CCDC54: variants seen among roughly 807,000 people sequenced by gnomAD.
CCDC54 encodes the protein coiled-coil domain-containing protein 54.
A neutral mutation model predicts 2.9 loss-of-function variants in CCDC54; 2 were observed. The observed-to-expected ratio is 0.69, with a 90% confidence interval of 0.28 to 2.16. The LOEUF is 2.16. CCDC54 is among the 30% of genes most tolerant of loss of function. The probability of loss-of-function intolerance (pLI) is 0.13; values close to 1 mark genes in which losing one functional copy is unlikely to be tolerated. For synonymous variants in CCDC54, 128 were observed against 129.6 expected, an observed-to-expected ratio of 0.99 and a Z score of 0.08; for missense variants, 368 against 378.1, an observed-to-expected ratio of 0.97 and a Z score of 0.22.
chr3:107,377,843 G>C lies in CCDC54; in HGVS notation c.256G>C (p.Asp86His). 1 of 1,614,126 alleles carries C rather than the reference G, an allele frequency of 6.2e-7. No homozygotes were observed. Among genetic ancestry groups the C allele is most frequent in the Non-Finnish European group, 8.5e-7 (1 of 1,180,022 alleles). ...AQVELFSQMT[D>H]IVHMIPKVQE... is the part of the protein sequence containing the mutation. ...AGTTGAACTTTTCAGCCAAATGACTGACATTGTCCATATGATACCAAAAGT... is the reference window on the plus strand; with the variant it reads ...AGTTGAACTTTTCAGCCAAATGACTCACATTGTCCATATGATACCAAAAGT... Residue 86 changes from aspartate to histidine, a missense_variant, in exon 1 of 1, where the codon GAC becomes CAC. Transcript: ENST00000261058.
rs765625954 is a variant in CCDC54, at chr3:107,377,778, T to C, written c.191T>C (p.Met64Thr). 3.1e-6 allele frequency: 5 copies of C among 1,614,094 alleles called. No individual in the cohort carries two copies. The South Asian group carries it at 3.3e-5, about 11-fold the overall frequency. Residue 64 changes from methionine (M) to threonine (T), a missense_variant, in exon 1 of 1, where the codon ATG (methionine) becomes ACG (threonine). By Grantham distance (81) the Met-to-Thr change is moderately conservative. Coordinates refer to ENST00000261058, the MANE Select transcript of CCDC54 (RefSeq NM_032600.3). ...NQDDDSYDGKMNLPVVLQDVK... is the reference protein window; with the variant it reads ...NQDDDSYDGKTNLPVVLQDVK... Reference sequence around the variant, plus strand: ...GATGATGATAGTTATGACGGAAAAATGAATCTTCCAGTAGTGCTCCAAGAT... The same window carrying C: ...GATGATGATAGTTATGACGGAAAAACGAATCTTCCAGTAGTGCTCCAAGAT...
At chr3:107,377,862 CA>C in the CCDC54 span, 1 of 1,614,082 alleles carries the variant, frequency 6.2e-7, no homozygotes, top group Non-Finnish European at 8.5e-7. Flanking sequence ...CATATGATAC[CA>C]AAAGTCCAGG....
At position 107,377,684 on chromosome 3, in the gene CCDC54, C is replaced by T; in HGVS notation, c.97C>T (p.His33Tyr). Residue 33 changes from histidine to tyrosine, a missense_variant, in exon 1 of 1, where the codon CAC becomes TAC. Physicochemically the swap from His to Tyr is moderately conservative, Grantham distance 83. Coordinates refer to ENST00000261058, the MANE Select transcript of CCDC54 (RefSeq NM_032600.3). ...CAGACAGTCTCTTAAAAATGTTTACCACAAATGTAAGATTCGGCACCAAGA... is the reference window on the plus strand; with the variant it reads ...CAGACAGTCTCTTAAAAATGTTTACTACAAATGTAAGATTCGGCACCAAGA... ...KVRQSLKNVY[H>Y]KCKIRHQDST... The T allele has an allele frequency of 6.2e-7, 1 of 1,614,078 alleles. No homozygotes were observed. Among genetic ancestry groups the T allele is most frequent in the South Asian group, 1.1e-5 (1 of 91,074 alleles).
At position 107,377,487 on chromosome 3, in the gene CCDC54, A is replaced by G. The variant is rs2046543806; in HGVS notation, c.-101A>G. 8.5e-7 allele frequency: 1 copy of G among 1,182,862 alleles called. No homozygotes were observed. The highest frequency in any genetic ancestry group is 2.3e-5 in the East Asian group (1 of 42,598). The allele number at this position is 1,182,862 out of a possible 1,614,324, so 73.3% of individuals were successfully genotyped here. On this transcript the variant is annotated 5_prime_UTR_variant, in exon 1 of 1. Coordinates refer to ENST00000261058, the MANE Select transcript of CCDC54 (RefSeq NM_032600.3). ...GAGTGTTCTAAGATGTTATCAGGAA[A>G]GGCATCCAACAAATAGTAAGAGAAG...
rs1214477651 is a variant in CCDC54, at chr3:107,378,126, A to C, written c.539A>C (p.Lys180Thr). Residue 180 changes from lysine to threonine, a missense_variant, in exon 1 of 1, where the codon AAG becomes ACG. Physicochemically the swap from Lys to Thr is moderately conservative, Grantham distance 78. Coordinates refer to ENST00000261058, the MANE Select transcript of CCDC54 (RefSeq NM_032600.3). Reference protein sequence around the residue: ...LYKLIQPATLKNTLASTDMEI... With the variant: ...LYKLIQPATLTNTLASTDMEI... ...AAACTCATACAACCAGCAACTCTGAAGAACACTTTGGCCTCTACAGACATG... is the reference window on the plus strand; with the variant it reads ...AAACTCATACAACCAGCAACTCTGACGAACACTTTGGCCTCTACAGACATG... 1.2e-6 allele frequency: 2 copies of C among 1,614,192 alleles called. No individual in the cohort carries two copies. The highest frequency in any genetic ancestry group is 1.7e-6 in the Non-Finnish European group (2 of 1,180,026).
At position 107,378,077 on chromosome 3, in the gene CCDC54, A is replaced by G; in HGVS notation, c.490A>G (p.Lys164Glu). The change falls in exon 1 of 1, where the codon AAA becomes GAA. Residue 164 changes from lysine to glutamate, a missense_variant. Coordinates refer to ENST00000261058, the MANE Select transcript of CCDC54 (RefSeq NM_032600.3). ...AGAGATTCTGGAGGGAGAAAGGGGT[A>G]AAGAAATCACAGAACTGCTTTACAA... ...CLEILEGERGKEITELLYKLI... is the reference protein window; with the variant it reads ...CLEILEGERGEEITELLYKLI... The G allele has an allele frequency of 6.2e-7, 1 of 1,614,210 alleles. No individual in the cohort carries two copies.
chr3:107,378,543 G>A lies in CCDC54; in HGVS notation c.956G>A (p.Cys319Tyr), dbSNP rs543104179. 2 of 1,613,490 alleles carry A rather than the reference G, an allele frequency of 1.2e-6. No homozygotes were observed. The highest frequency in any genetic ancestry group is 1.1e-5 in the South Asian group (1 of 90,886). Residue 319 changes from cysteine (C) to tyrosine (Y), a missense_variant, in exon 1 of 1, where the codon TGT becomes TAT. Coordinates refer to ENST00000261058, the MANE Select transcript of CCDC54 (RefSeq NM_032600.3). ...TTCAACAATATTTACGGCTTTATTTGTTCCTTAAAAGAAGAAGTAACTCGA... is the reference window on the plus strand; with the variant it reads ...TTCAACAATATTTACGGCTTTATTTATTCCTTAAAAGAAGAAGTAACTCGA... Reference protein sequence around the residue: ...SIFNNIYGFICSLKEEVTRL With the variant: ...SIFNNIYGFIYSLKEEVTRL
At position 107,378,444 on chromosome 3, in the gene CCDC54, C is replaced by G; in HGVS notation, c.857C>G (p.Pro286Arg). ...LSRPTILPEE[P>R]QVITQRYCPF... Reference sequence around the variant, plus strand: ...AGGCCAACCATTCTTCCTGAGGAACCCCAGGTCATAACCCAGAGATACTGT... The same window carrying G: ...AGGCCAACCATTCTTCCTGAGGAACGCCAGGTCATAACCCAGAGATACTGT... Residue 286 changes from proline to arginine, a missense_variant, in exon 1 of 1, where the codon CCC becomes CGC. Physicochemically the swap from Pro to Arg is moderately radical, Grantham distance 103. Transcript: ENST00000261058. 6.2e-7 allele frequency: 1 copy of G among 1,614,152 alleles called. No individual in the cohort carries two copies. The highest frequency in any genetic ancestry group is 8.5e-7 in the Non-Finnish European group (1 of 1,180,010).
chr3:107,377,941 A>T lies in CCDC54; in HGVS notation c.354A>T (p.Lys118Asn). The T allele has an allele frequency of 6.2e-7, 1 of 1,614,188 alleles. No individual in the cohort carries two copies. The highest frequency in any genetic ancestry group is 1.3e-5 in the African/African-American group (1 of 75,060). Reference sequence around the variant, plus strand: ...CCAGAATGAATGTTAATGAAGACAAACAATGCACAACGACTAAAGATATCC... The same window carrying T: ...CCAGAATGAATGTTAATGAAGACAATCAATGCACAACGACTAAAGATATCC... ...LETRMNVNED[K>N]QCTTTKDILS... The change falls in exon 1 of 1, where the codon AAA becomes AAT. Residue 118 changes from lysine to asparagine, a missense_variant. Physicochemically the swap from Lys to Asn is moderately conservative, Grantham distance 94 (BLOSUM62 0). Coordinates refer to ENST00000261058, the MANE Select transcript of CCDC54 (RefSeq NM_032600.3).
At position 107,378,416 on chromosome 3, in the gene CCDC54, T is replaced by C; in HGVS notation, c.829T>C (p.Ser277Pro). 2.5e-6 allele frequency: 4 copies of C among 1,614,230 alleles called. No individual in the cohort carries two copies. Among genetic ancestry groups the C allele is most frequent in the Non-Finnish European group, 3.4e-6 (4 of 1,180,032 alleles). Residue 277 changes from serine to proline, a missense_variant, in exon 1 of 1, where the codon TCT becomes CCT. Transcript: ENST00000261058. ...AGAAGAATTCATCCAGTGGCTTCTT[T>C]CTAGGCCAACCATTCTTCCTGAGGA... ...KLEEFIQWLLSRPTILPEEPQ... is the reference protein window; with the variant it reads ...KLEEFIQWLLPRPTILPEEPQ...
rs1405961769 is a variant in CCDC54, at chr3:107,378,263, C to A, written c.676C>A (p.Gln226Lys). ...QMKTLKKRNH[Q>K]NASRSFEKAK... is the part of the protein sequence containing the mutation. ...GAAAACTCTGAAGAAACGTAACCAT[C>A]AAAATGCATCAAGGAGCTTTGAAAA... The change falls in exon 1 of 1, where the codon CAA becomes AAA. Residue 226 changes from glutamine (Q) to lysine (K), a missense_variant. Gln to Lys is a moderately conservative substitution (Grantham distance 53). Transcript: ENST00000261058. 6.2e-7 allele frequency: 1 copy of A among 1,614,048 alleles called. No homozygotes were observed. The highest frequency in any genetic ancestry group is 8.5e-7 in the Non-Finnish European group (1 of 1,180,002).
chr3:107,378,498 C>T lies in CCDC54; in HGVS notation c.911C>T (p.Thr304Ile). 6.2e-7 allele frequency: 1 copy of T among 1,614,000 alleles called. No homozygotes were observed. Among genetic ancestry groups the T allele is most frequent in the Non-Finnish European group, 8.5e-7 (1 of 1,179,882 alleles). Residue 304 changes from threonine (T) to isoleucine (I), a missense_variant, in exon 1 of 1, where the codon ACC becomes ATC. Coordinates refer to ENST00000261058, the MANE Select transcript of CCDC54 (RefSeq NM_032600.3). ...CPFTGPILSL[T>I]TICLSIFNNI... ...TTCACTGGGCCCATTTTGAGCTTGACCACAATCTGTCTCTCCATCTTCAAC... is the reference window on the plus strand; with the variant it reads ...TTCACTGGGCCCATTTTGAGCTTGATCACAATCTGTCTCTCCATCTTCAAC...
Position 107,378,445 on chromosome 3 carries a change from C to T in CCDC54, c.858C>T (p.Pro286=), listed in dbSNP as rs746374757. The change falls in exon 1 of 1, where the codon CCC becomes CCT. Residue 286 remains proline (P), a synonymous_variant. Transcript: ENST00000261058. ...LSRPTILPEE[P]QVITQRYCPF... ...GGCCAACCATTCTTCCTGAGGAACC[C>T]CAGGTCATAACCCAGAGATACTGTC... 3 of 1,614,168 alleles carry T rather than the reference C, an allele frequency of 1.9e-6. No individual in the cohort carries two copies. The South Asian group carries it at 3.3e-5, about 18-fold the overall frequency.
chr3:107,378,420 G>A lies in CCDC54; in HGVS notation c.833G>A (p.Arg278Lys). The A allele has an allele frequency of 6.2e-7, 1 of 1,614,148 alleles. No individual in the cohort carries two copies. Among genetic ancestry groups the A allele is most frequent in the Non-Finnish European group, 8.5e-7 (1 of 1,180,004 alleles). Residue 278 changes from arginine (R) to lysine (K), a missense_variant, in exon 1 of 1, where the codon AGG becomes AAG. Transcript: ENST00000261058. The stretch of plus-strand genomic sequence containing the variant: ...GAATTCATCCAGTGGCTTCTTTCTA[G>A]GCCAACCATTCTTCCTGAGGAACCC... ...LEEFIQWLLS[R>K]PTILPEEPQV...
At position 107,378,534 on chromosome 3, in the gene CCDC54, G is replaced by A. The variant is rs751816868; in HGVS notation, c.947G>A (p.Gly316Asp). Residue 316 changes from glycine to aspartate, a missense_variant, in exon 1 of 1, where the codon GGC becomes GAC. Coordinates refer to ENST00000261058, the MANE Select transcript of CCDC54 (RefSeq NM_032600.3). ...CTCTCCATCTTCAACAATATTTACG[G>A]CTTTATTTGTTCCTTAAAAGAAGAA... ...ICLSIFNNIY[G>D]FICSLKEEVT... 6.2e-7 allele frequency: 1 copy of A among 1,613,726 alleles called. No individual in the cohort carries two copies. Among genetic ancestry groups the A allele is most frequent in the East Asian group, 2.2e-5 (1 of 44,874 alleles).
At position 107,378,182 on chromosome 3, in the gene CCDC54, C is replaced by T. The variant is rs764037102; in HGVS notation, c.595C>T (p.Pro199Ser). 1.2e-6 allele frequency: 2 copies of T among 1,614,122 alleles called. No individual in the cohort carries two copies. Among genetic ancestry groups the T allele is most frequent in the Admixed American group, 1.7e-5 (1 of 60,018 alleles). ...EISSAEPEKV[P>S]SYPKSTDHLE... ...CTCTTCAGCAGAACCAGAGAAAGTG[C>T]CCAGTTATCCAAAGTCCACTGACCA... is the stretch of plus-strand genomic sequence containing the variant. The change falls in exon 1 of 1, where the codon CCC (proline) becomes TCC (serine). Residue 199 changes from proline to serine, a missense_variant. Coordinates refer to ENST00000261058, the MANE Select transcript of CCDC54 (RefSeq NM_032600.3).
At position 107,377,880 on chromosome 3, in the gene CCDC54, C is replaced by T. The variant is rs2046547480; in HGVS notation, c.293C>T (p.Thr98Ile). The T allele has an allele frequency of 6.2e-7, 1 of 1,614,150 alleles. No homozygotes were observed. Among genetic ancestry groups the T allele is most frequent in the South Asian group, 1.1e-5 (1 of 91,086 alleles). Reference sequence around the variant, plus strand: ...ATGATACCAAAAGTCCAGGAAAAGACTGACTTGTATCAAAAACAGATGGAG... The same window carrying T: ...ATGATACCAAAAGTCCAGGAAAAGATTGACTTGTATCAAAAACAGATGGAG... Reference protein sequence around the residue: ...VHMIPKVQEKTDLYQKQMEVL... With the variant: ...VHMIPKVQEKIDLYQKQMEVL... The change falls in exon 1 of 1, where the codon ACT (threonine) becomes ATT (isoleucine). Residue 98 changes from threonine (T) to isoleucine (I), a missense_variant. By Grantham distance (89) the Thr-to-Ile change is moderately conservative (BLOSUM62 -1). Transcript: ENST00000261058.
Position 107,378,428 on chromosome 3 carries a change from A to G in CCDC54, c.841A>G (p.Ile281Val), listed in dbSNP as rs2046553628. The G allele has an allele frequency of 1.2e-6, 2 of 1,614,190 alleles. No homozygotes were observed. The highest frequency in any genetic ancestry group is 2.2e-5 in the South Asian group (2 of 91,086). Residue 281 changes from isoleucine (I) to valine (V), a missense_variant, in exon 1 of 1, where the codon ATT becomes GTT. Transcript: ENST00000261058. The part of the protein sequence containing the change: ...FIQWLLSRPT[I>V]LPEEPQVITQ... The stretch of plus-strand genomic sequence containing the variant: ...CCAGTGGCTTCTTTCTAGGCCAACC[A>G]TTCTTCCTGAGGAACCCCAGGTCAT...
In CCDC54 at chr3:107,378,626, A is replaced by C; in HGVS notation, c.*52A>C. 2 of 1,532,004 alleles carry C rather than the reference A, an allele frequency of 1.3e-6. No individual in the cohort carries two copies. Among genetic ancestry groups the C allele is most frequent in the Non-Finnish European group, 1.8e-6 (2 of 1,136,220 alleles). The allele number at this position is 1,532,004 out of a possible 1,614,324, so 94.9% of individuals were successfully genotyped here. Reference sequence around the variant, plus strand: ...AAATAAATGTAACCTGGAGGCTCCAAGTATTCACACATTGGTGTGGTGGCT... The same window carrying C: ...AAATAAATGTAACCTGGAGGCTCCACGTATTCACACATTGGTGTGGTGGCT... On this transcript the variant is annotated 3_prime_UTR_variant, in exon 1 of 1. Transcript: ENST00000261058.
Sources: allele counts gnomAD v4.1 joint callset, GRCh38; gene constraint gnomAD v4.1.1; transcripts MANE v1.5; gene names NCBI Gene and HGNC (gene_info 2026-07-23, HGNC 2026-07-21).